Variants in ORC5 observed in about 807,000 individuals in gnomAD.
The protein encoded by ORC5 is protein phosphatase 1, regulatory subunit 117.
In ORC5, 39 loss-of-function variants were observed where a neutral mutation model predicts 58.8. The ratio of observed to expected loss-of-function variants is 0.66; its 90% CI spans 0.51 to 0.87. The LOEUF is 0.87. Among genes scored for constraint, ORC5 ranks in the 40% least tolerant of loss-of-function variants. The pLI is 0.00. For missense variants in ORC5, 493 were observed against 506.3 expected, an observed-to-expected ratio of 0.97 and a Z score of 0.25; for synonymous variants, 218 against 177.6, an observed-to-expected ratio of 1.23 and a Z score of -1.81.
intron 12 of ORC5, among the ~76,000 whole-genome samples, chr7:104,155,536 C>T (rs1365400510): frequency 6.6e-6 from 1 of 151,218 alleles, no homozygotes; most frequent in Non-Finnish European, 1.5e-5. Context: ...TTTTAAATGG[C>T]AGAATTATAG....
intron 5 of ORC5, among the ~76,000 whole-genome samples, chr7:104,191,586 T>C (rs1238589878): frequency 2.6e-5 from 4 of 151,972 alleles, no homozygotes; most frequent in Non-Finnish European, 4.4e-5. Flanking sequence ...CTTATAAGAA[T>C]AGGAATCCTC....
chr7:104,169,084 AAAC>A (rs1401042989), intron 8 of ORC5, among the ~76,000 whole-genome samples: 6 of 152,204 alleles, frequency 3.9e-5, no homozygotes, highest in South Asian at 4.1e-4. Context: ...TCTTTAAAAA[AAAC>A]AACAACAAAC....
At chr7:104,197,018 G>GT (rs1392899131) in intron 4 of ORC5, among the ~76,000 whole-genome samples, 13 of 152,254 alleles carry the variant, frequency 8.5e-5, no homozygotes, top group Admixed American at 5.9e-4. Flanking sequence ...CAAATGCCTA[G>GT]TAAGTCCGCC....
At chr7:104,139,358 A>G (rs563587563) in intron 12 of ORC5, among the ~76,000 whole-genome samples, 4 of 152,222 alleles carry the variant, frequency 2.6e-5, no homozygotes, top group African/African-American at 9.6e-5. Flanking sequence ...ACTTTTTTTT[A>G]TAGATAAGCC....
intron 2 of ORC5, chr7:104,202,665 G>C (rs1799973502): frequency 2.9e-6 from 1 of 344,258 alleles, no homozygotes; most frequent in Non-Finnish European, 5.8e-6. Flanking sequence ...GGGTTTTATT[G>C]CTTTTATTCA....
At chr7:104,189,666 T>G (rs1382679313) in intron 5 of ORC5, among the ~76,000 whole-genome samples, 1 of 152,190 alleles carries the variant, frequency 6.6e-6, no homozygotes, top group Non-Finnish European at 1.5e-5. Flanking sequence ...TATATCCACA[T>G]GCTGAGAGGG....
chr7:104,176,962 T>C (rs1200460321), intron 8 of ORC5, among the ~76,000 whole-genome samples: 2 of 152,180 alleles, frequency 1.3e-5, no homozygotes, highest in Non-Finnish European at 2.9e-5. Flanking sequence ...TGTAACTCTT[T>C]GATAAATAAG....
rs141885334 is a variant in ORC5, at chr7:104,198,429, G to A, written c.367-630C>T. ...AGGGAATAAAAGTGACTCTTGCTAT[G>A]CTCTAGCAAAGAGAAGGGTGGCATT... On this transcript the variant is annotated intron_variant, in intron 3 of 13. Coordinates refer to ENST00000297431, the MANE Select transcript of ORC5 (RefSeq NM_002553.4). Among the ~76,000 whole-genome samples, 495 of 152,318 alleles carry A rather than the reference G, an allele frequency of 3.2e-3. 5 individuals are homozygous for A. Among genetic ancestry groups the A allele is most frequent in the African/African-American group, 0.012 (478 of 41,562 alleles).
At chr7:104,190,517 T>C (rs1280340669) in intron 5 of ORC5, among the ~76,000 whole-genome samples, 1 of 152,150 alleles carries the variant, frequency 6.6e-6, no homozygotes, top group Non-Finnish European at 1.5e-5. Flanking sequence ...AAATACCACA[T>C]TAAGAGTCCT....
In ORC5 at chr7:104,136,730, AAC is replaced by A. The variant is rs1263655225; in HGVS notation, c.1262+49_1262+50del. The stretch of plus-strand genomic sequence containing the variant: ...ATGACTAATGACATCACATTTGGAA[AAC>A]ACTAATTTTTATATTTAGTATATCA... On this transcript the variant is annotated intron_variant, in intron 13 of 13. Transcript: ENST00000297431. This position sits in a 1 kb window ranked among gnomAD's most constrained non-coding sequence, Gnocchi z 4.2. The A allele has an allele frequency of 1.8e-5, 22 of 1,211,648 alleles. No individual in the cohort carries two copies. The highest frequency in any genetic ancestry group is 2.7e-5 in the Non-Finnish European group (22 of 822,618). The allele number at this position is 1,211,648 out of a possible 1,614,324, so 75.1% of individuals were successfully genotyped here. A position where few individuals can be genotyped will look rare whatever the true frequency, so the allele number is the denominator to read the frequency against.
At chr7:104,152,723 C>T (rs17159497) in intron 12 of ORC5, among the ~76,000 whole-genome samples, 1 of 151,774 alleles carries the variant, frequency 6.6e-6, no homozygotes, top group African/African-American at 2.4e-5. Context: ...ATATTTCCCC[C>T]AAAAATGTGA....
intron 8 of ORC5, among the ~76,000 whole-genome samples, chr7:104,176,397 T>C (rs1047998122): frequency 3.9e-5 from 6 of 152,180 alleles, no homozygotes; most frequent in Non-Finnish European, 2.9e-5. Flanking sequence ...TTTCAAAATA[T>C]GTCAAAGAAA....
At chr7:104,139,734 G>A (rs550846855) in intron 12 of ORC5, among the ~76,000 whole-genome samples, 27 of 151,964 alleles carry the variant, frequency 1.8e-4, no homozygotes, top group South Asian at 6.2e-4. Flanking sequence ...AATATTGTGC[G>A]TTGAAAAGAA....
At chr7:104,158,884 T>A (rs1043102320) in intron 12 of ORC5, among the ~76,000 whole-genome samples, 2 of 151,850 alleles carry the variant, frequency 1.3e-5, no homozygotes, top group African/African-American at 2.4e-5. Flanking sequence ...TTGGTGGGAC[T>A]GTAAACTAGT....
intron 12 of ORC5, among the ~76,000 whole-genome samples, chr7:104,154,787 A>G (rs1044308593): frequency 1.3e-5 from 2 of 151,912 alleles, no homozygotes; most frequent in African/African-American, 4.8e-5. Flanking sequence ...AAAATTAACA[A>G]CGTCTCCTCT....
chr7:104,183,644 C>T (rs1248205703), intron 8 of ORC5, among the ~76,000 whole-genome samples: 1 of 152,220 alleles, frequency 6.6e-6, no homozygotes, highest in African/African-American at 2.4e-5. Flanking sequence ...AGGACATCTG[C>T]CAGGCAAATC....
At chr7:104,186,733 G>A (rs1799551600) in intron 6 of ORC5, among the ~76,000 whole-genome samples, 1 of 151,958 alleles carries the variant, frequency 6.6e-6, no homozygotes, top group African/African-American at 2.4e-5. Flanking sequence ...AAAAGAAAAT[G>A]AATATCTTTA....
chr7:104,206,243 T>C (rs1201909282), intron 1 of ORC5, among the ~76,000 whole-genome samples: 1 of 152,240 alleles, frequency 6.6e-6, no homozygotes, highest in Non-Finnish European at 1.5e-5. Context: ...TATTTATTTA[T>C]TGAACAAATA....
intron 11 of ORC5, among the ~76,000 whole-genome samples, chr7:104,163,501 G>A (rs145301076): frequency 0.013 from 2,052 of 152,210 alleles, 56 homozygotes; most frequent in African/African-American, 0.047. Context: ...TTGTTTGTCT[G>A]TTTGAGAAGG....
Sources: allele counts gnomAD v4.1 joint callset (sites outside exome capture counted in the v4.1 genomes callset), GRCh38; gene constraint gnomAD v4.1.1; non-coding constraint Gnocchi (gnomAD v3.1); transcripts MANE v1.5; gene names NCBI Gene and HGNC (gene_info 2026-07-23, HGNC 2026-07-21).